Variants in SEMA3A observed in about 807,000 individuals in gnomAD.
SEMA3A encodes semaphorin 3A, also known as semaphorin-3A.
In SEMA3A, 29 loss-of-function variants were observed where a neutral mutation model predicts 97.9. The observed-to-expected ratio is 0.30, with a 90% confidence interval of 0.22 to 0.40. The LOEUF is 0.40. Among genes scored for constraint, SEMA3A ranks in the 10% least tolerant of loss-of-function variants. The pLI, the probability that SEMA3A is intolerant of heterozygous loss-of-function variation, is 1.00. For missense variants in SEMA3A, 763 were observed against 951.3 expected (o/e 0.80, Z 2.60); for synonymous variants, 321 against 323.7 (o/e 0.99, Z 0.09).
At chr7:84,410,157 C>G (rs1804221771) in intron 1 of SEMA3A, among the ~76,000 whole-genome samples, 1 of 152,012 alleles carries the variant, frequency 6.6e-6, no homozygotes, top group Non-Finnish European at 1.5e-5. Flanking sequence ...ATTGTTTCAT[C>G]TTATGTTATG....
chr7:84,486,087 C>T (rs372122139), intron 1 of SEMA3A, among the ~76,000 whole-genome samples: 3 of 152,072 alleles, frequency 2.0e-5, no homozygotes, highest in African/African-American at 2.4e-5. Context: ...TTATGGTTTA[C>T]GTGATATAAA....
At position 84,072,369 on chromosome 7, in the gene SEMA3A, C is replaced by T. The variant is rs142991126; in HGVS notation, c.454-11811G>A. On this transcript the variant is annotated intron_variant, in intron 4 of 16. Coordinates refer to ENST00000265362, the MANE Select transcript of SEMA3A (RefSeq NM_006080.3). Reference sequence around the variant, plus strand: ...AACTTATTTCTGATTAATGTAATGTCTCTCCTGTGTATCCCATCATTCCAG... The same window carrying T: ...AACTTATTTCTGATTAATGTAATGTTTCTCCTGTGTATCCCATCATTCCAG... 2.7e-3 allele frequency among the ~76,000 whole-genome samples: 411 copies of T among 152,118 alleles called. 2 individuals are homozygous for T. Among genetic ancestry groups the T allele is most frequent in the African/African-American group, 9.3e-3 (387 of 41,522 alleles).
At chr7:84,341,950 A>G (rs1046077149) in intron 2 of SEMA3A, among the ~76,000 whole-genome samples, 2 of 151,910 alleles carry the variant, frequency 1.3e-5, no homozygotes, top group Non-Finnish European at 2.9e-5. Context: ...CCTCCAAACC[A>G]ATTACTTTCT....
At chr7:84,075,906 A>G (rs1188980796) in intron 4 of SEMA3A, among the ~76,000 whole-genome samples, 1 of 152,188 alleles carries the variant, frequency 6.6e-6, no homozygotes, top group Non-Finnish European at 1.5e-5. Context: ...TAGTAAAAAT[A>G]TTATGGTTTA....
At chr7:84,445,072 T>C (rs1805375368) in intron 1 of SEMA3A, among the ~76,000 whole-genome samples, 1 of 152,134 alleles carries the variant, frequency 6.6e-6, no homozygotes, top group African/African-American at 2.4e-5. Context: ...CATAACAAAT[T>C]AATATAATTT....
intron 4 of SEMA3A, among the ~76,000 whole-genome samples, chr7:84,094,096 G>A (rs577841937): frequency 6.6e-6 from 1 of 152,152 alleles, no homozygotes; most frequent in South Asian, 2.1e-4. Flanking sequence ...AAGTCTGACT[G>A]GATAGGGTAA....
chr7:83,997,976 T>A (rs928412280), intron 12 of SEMA3A, among the ~76,000 whole-genome samples: 4 of 152,092 alleles, frequency 2.6e-5, no homozygotes, highest in Admixed American at 1.3e-4. Flanking sequence ...GACCTCGTGA[T>A]TCGCATGCCT....
intron 4 of SEMA3A, among the ~76,000 whole-genome samples, chr7:84,102,007 AT>A (rs11333836): frequency 0.42 from 64,307 of 151,752 alleles, 14,803 homozygotes; most frequent in Admixed American, 0.52. Flanking sequence ...ACCTGTGGTT[AT>A]TTTTATTCCT....
intron 3 of SEMA3A, among the ~76,000 whole-genome samples, chr7:84,252,251 A>G (rs990462678): frequency 1.3e-5 from 2 of 152,158 alleles, no homozygotes; most frequent in Admixed American, 6.6e-5. Flanking sequence ...GCATCATTCT[A>G]TGGTATTGCT....
intron 2 of SEMA3A, among the ~76,000 whole-genome samples, chr7:84,314,132 G>A (rs1276514433): frequency 1.3e-5 from 2 of 151,938 alleles, no homozygotes; most frequent in Non-Finnish European, 2.9e-5. Flanking sequence ...GTGTATGATA[G>A]CTTCTCAAAT....
chr7:84,088,157 T>C (rs924398235), intron 4 of SEMA3A, among the ~76,000 whole-genome samples: 3 of 152,106 alleles, frequency 2.0e-5, no homozygotes, highest in Admixed American at 2.0e-4. Context: ...CAAAAAAGTG[T>C]TTATTGAAAG....
chr7:84,251,639 C>T (rs1799611925), intron 3 of SEMA3A, among the ~76,000 whole-genome samples: 1 of 152,202 alleles, frequency 6.6e-6, no homozygotes, highest in Non-Finnish European at 1.5e-5. Context: ...CCCTAGCACT[C>T]TTTACATAAA....
At chr7:84,079,341 A>G (rs1043135508) in intron 4 of SEMA3A, among the ~76,000 whole-genome samples, 2 of 151,356 alleles carry the variant, frequency 1.3e-5, no homozygotes, top group African/African-American at 4.9e-5. Flanking sequence ...CAAAAGACAA[A>G]ATTGACAAAT....
At chr7:84,044,176 G>GT (rs71076099) in intron 6 of SEMA3A, among the ~76,000 whole-genome samples, 83,550 of 151,078 alleles carry the variant, frequency 0.55, 25,066 homozygotes, top group Non-Finnish European at 0.67. Context: ...TGTTAAGAGA[G>GT]TTTTTTTTTC....
At chr7:84,218,919 T>G (rs894969426) in intron 3 of SEMA3A, among the ~76,000 whole-genome samples, 2 of 152,136 alleles carry the variant, frequency 1.3e-5, no homozygotes, top group Non-Finnish European at 2.9e-5. Flanking sequence ...AACAGGAAAT[T>G]GACGACTCAA....
At chr7:84,353,323 T>C (rs1562915791) in intron 2 of SEMA3A, among the ~76,000 whole-genome samples, 1 of 149,534 alleles carries the variant, frequency 6.7e-6, no homozygotes, top group Non-Finnish European at 1.5e-5. Context: ...ATATTTTATA[T>C]ATTCATACAT....
upstream of SEMA3A, among the ~76,000 whole-genome samples, chr7:84,199,739 A>G (rs1011231394): frequency 2.0e-5 from 3 of 152,068 alleles, no homozygotes; most frequent in Non-Finnish European, 4.4e-5. Flanking sequence ...CTTTTTTCTA[A>G]AAAAGAATTC....
At chr7:84,434,324 A>T (rs1405472430) in intron 1 of SEMA3A, among the ~76,000 whole-genome samples, 1 of 152,144 alleles carries the variant, frequency 6.6e-6, no homozygotes, top group East Asian at 1.9e-4. Context: ...AAGAAATTGA[A>T]ACCCTAAATA....
chr7:84,272,688 T>C (rs1800181084), intron 3 of SEMA3A, among the ~76,000 whole-genome samples: 1 of 152,048 alleles, frequency 6.6e-6, no homozygotes, highest in Non-Finnish European at 1.5e-5. Context: ...AAAGAGATTT[T>C]CCCACACTTC....
Sources: allele counts gnomAD v4.1 joint callset (sites outside exome capture counted in the v4.1 genomes callset), GRCh38; gene constraint gnomAD v4.1.1; transcripts MANE v1.5; gene names NCBI Gene and HGNC (gene_info 2026-07-23, HGNC 2026-07-21).